AKR1C8: variants seen among roughly 807,000 people sequenced by gnomAD.
The protein encoded by AKR1C8 is aldo-keto reductase family 1 member C-like protein 1.
the AKR1C8 span, among the ~76,000 whole-genome samples, chr10:5,129,074 A>C: frequency 6.6e-6 from 1 of 152,114 alleles, no homozygotes; most frequent in African/African-American, 2.4e-5. Context: ...AAATTACATC[A>C]AGTATCTTCT....
At chr10:5,151,411 C>T in the AKR1C8 span, among the ~76,000 whole-genome samples, 16 of 152,098 alleles carry the variant, frequency 1.1e-4, no homozygotes, top group Non-Finnish European at 1.5e-4. Context: ...TAAGTTCCCC[C>T]AAAAGTTAGT....
the AKR1C8 span, among the ~76,000 whole-genome samples, chr10:5,119,762 C>T: frequency 6.6e-6 from 1 of 152,042 alleles, no homozygotes; most frequent in Non-Finnish European, 1.5e-5. Context: ...AGCTCATGGT[C>T]AATATTCTTC....
At chr10:5,126,137 T>A in the AKR1C8 span, among the ~76,000 whole-genome samples, 59 of 152,108 alleles carry the variant, frequency 3.9e-4, 1 homozygote, top group Non-Finnish European at 8.2e-4. Flanking sequence ...TTGGTGCTCA[T>A]GAAGGGTCTT....
chr10:5,151,286 A>G, the AKR1C8 span, among the ~76,000 whole-genome samples: 1 of 152,194 alleles, frequency 6.6e-6, no homozygotes. Context: ...CTCGTAAACC[A>G]TAATTTCTAA....
chr10:5,120,382 G>A, the AKR1C8 span, among the ~76,000 whole-genome samples: 1 of 151,852 alleles, frequency 6.6e-6, no homozygotes, highest in African/African-American at 2.4e-5. Flanking sequence ...CCACTGGTTA[G>A]GGTCTCCACG....
At chr10:5,167,576 T>C in the AKR1C8 span, among the ~76,000 whole-genome samples, 1 of 152,214 alleles carries the variant, frequency 6.6e-6, no homozygotes, top group South Asian at 2.1e-4. Context: ...TAGGTGGGAA[T>C]TGAACAATGA....
the AKR1C8 span, among the ~76,000 whole-genome samples, chr10:5,165,330 TG>T: frequency 6.6e-6 from 1 of 152,192 alleles, no homozygotes; most frequent in African/African-American, 2.4e-5. Context: ...AACTTCTACC[TG>T]GAAAAAATCT....
chr10:5,161,790 A>G, the AKR1C8 span: 1 of 534,778 alleles, frequency 1.9e-6, no homozygotes, highest in South Asian at 1.4e-5. Flanking sequence ...CTAGAATTAG[A>G]TAATTCAGAT....
At chr10:5,145,500 G>GA in the AKR1C8 span, among the ~76,000 whole-genome samples, 106 of 151,482 alleles carry the variant, frequency 7.0e-4, 1 homozygote, top group South Asian at 0.018. Context: ...AAATTTACAA[G>GA]AAAAAAAACA....
the AKR1C8 span, among the ~76,000 whole-genome samples, chr10:5,183,717 T>G: frequency 6.6e-6 from 1 of 151,968 alleles, no homozygotes; most frequent in East Asian, 1.9e-4. Context: ...ACAGTTAGAG[T>G]GAGTTCTTGG....
chr10:5,126,753 G>T, the AKR1C8 span, among the ~76,000 whole-genome samples: 1 of 152,098 alleles, frequency 6.6e-6, no homozygotes, highest in East Asian at 1.9e-4. Context: ...CAGTGAACTT[G>T]CCCACACACT....
At chr10:5,149,333 TGTCATA>T in the AKR1C8 span, among the ~76,000 whole-genome samples, 1 of 152,126 alleles carries the variant, frequency 6.6e-6, no homozygotes, top group African/African-American at 2.4e-5. Context: ...TTGCAAAATA[TGTCATA>T]GTCTTATTAT....
chr10:5,158,461 G>T, the AKR1C8 span: 2 of 361,486 alleles, frequency 5.5e-6, no homozygotes, highest in South Asian at 4.5e-5. Context: ...GTGATACATG[G>T]GAACAAACTA....
chr10:5,136,407 G>A, the AKR1C8 span, among the ~76,000 whole-genome samples: 1 of 151,952 alleles, frequency 6.6e-6, no homozygotes, highest in Non-Finnish European at 1.5e-5. Flanking sequence ...AATTAGCCAC[G>A]TGTGGTGGCA....
chr10:5,144,129 G>A, the AKR1C8 span, among the ~76,000 whole-genome samples: 4 of 152,192 alleles, frequency 2.6e-5, no homozygotes, highest in South Asian at 8.3e-4. Flanking sequence ...ATTAAATAGG[G>A]AATCCTTTCC....
the AKR1C8 span, among the ~76,000 whole-genome samples, chr10:5,181,605 C>T: frequency 6.6e-6 from 1 of 152,044 alleles, no homozygotes; most frequent in Non-Finnish European, 1.5e-5. Context: ...TGTGAGACTG[C>T]CAAAATGATA....
chr10:5,119,703 T>A, the AKR1C8 span, among the ~76,000 whole-genome samples: 2 of 152,042 alleles, frequency 1.3e-5, no homozygotes, highest in African/African-American at 4.8e-5. Flanking sequence ...AATACAGAGA[T>A]CCTCTCCAAG....
At chr10:5,146,878 C>T in the AKR1C8 span, among the ~76,000 whole-genome samples, 8 of 152,098 alleles carry the variant, frequency 5.3e-5, no homozygotes, top group Non-Finnish European at 7.4e-5. Context: ...CTGTGATTAT[C>T]GGGTATTAAG....
At chr10:5,130,733 A>T in the AKR1C8 span, among the ~76,000 whole-genome samples, 2 of 152,014 alleles carry the variant, frequency 1.3e-5, no homozygotes, top group Non-Finnish European at 2.9e-5. Flanking sequence ...GAGATGAAAC[A>T]TCTCTACAAG....
Sources: gnomAD v4.1 joint callset for allele counts (sites outside exome capture counted in the v4.1 genomes callset) on GRCh38, gnomAD v4.1.1 for gene constraint, MANE v1.5 for transcripts, NCBI Gene and HGNC (gene_info 2026-07-23, HGNC 2026-07-21) for gene names.